Variants in DLG2 observed in about 807,000 individuals in gnomAD.
DLG2 encodes the protein disks large homolog 2.
Under a neutral mutation model 132.5 loss-of-function variants are expected in DLG2, and 45 were observed. The ratio of observed to expected loss-of-function variants is 0.34; its 90% CI spans 0.27 to 0.44. The LOEUF is 0.44. Ranked by LOEUF, DLG2 falls within the 20% of genes least tolerant of loss-of-function variation. The pLI, the probability that DLG2 is intolerant of heterozygous loss-of-function variation, is 1.00. For missense variants in DLG2, 1,045 were observed against 1,196.9 expected (o/e 0.87, Z 1.87); for synonymous variants, 424 against 419.6 (o/e 1.01, Z -0.13).
At chr11:84,199,405 A>G (rs115361035) in intron 8 of DLG2, among the ~76,000 whole-genome samples, 29 of 152,332 alleles carry the variant, frequency 1.9e-4, no homozygotes, top group African/African-American at 6.5e-4. Flanking sequence ...CCTATAAAAC[A>G]TGTCTAGTAT....
intron 6 of DLG2, among the ~76,000 whole-genome samples, chr11:84,694,801 A>G (rs1446035086): frequency 6.6e-6 from 1 of 151,548 alleles, no homozygotes; most frequent in Non-Finnish European, 1.5e-5. Context: ...GTTAAGTCCA[A>G]ATATGGGTTT....
chr11:85,128,230 T>A (rs1460897670), intron 5 of DLG2, among the ~76,000 whole-genome samples: 1 of 152,154 alleles, frequency 6.6e-6, no homozygotes, highest in Non-Finnish European at 1.5e-5. Flanking sequence ...TTTTTAAACT[T>A]TTTCAAATGT....
At chr11:85,624,582 T>C (rs1472203894) in intron 2 of DLG2, among the ~76,000 whole-genome samples, 2 of 152,146 alleles carry the variant, frequency 1.3e-5, no homozygotes, top group Non-Finnish European at 2.9e-5. Flanking sequence ...ACTGTTCTTA[T>C]ATTATATAAA....
chr11:85,237,414 A>G (rs1388986997), intron 4 of DLG2, among the ~76,000 whole-genome samples: 1 of 152,082 alleles, frequency 6.6e-6, no homozygotes, highest in East Asian at 1.9e-4. Context: ...ATTTTCTTAT[A>G]TTCATATAGG....
At chr11:84,493,847 C>T (rs1422913464) in intron 7 of DLG2, among the ~76,000 whole-genome samples, 3 of 152,172 alleles carry the variant, frequency 2.0e-5, no homozygotes, top group African/African-American at 4.8e-5. Context: ...TACTTCACAT[C>T]TCTTCAATAA....
At chr11:84,355,865 C>T (rs1326949187) in intron 7 of DLG2, among the ~76,000 whole-genome samples, 2 of 152,092 alleles carry the variant, frequency 1.3e-5, no homozygotes, top group East Asian at 1.9e-4. Flanking sequence ...CAGCATCTTG[C>T]ATAGTGTCCA....
intron 4 of DLG2, among the ~76,000 whole-genome samples, chr11:85,188,231 A>G (rs2080268418): frequency 6.6e-6 from 1 of 152,210 alleles, no homozygotes; most frequent in South Asian, 2.1e-4. Context: ...CACAAACTCT[A>G]ACCAAATATT....
At chr11:84,717,507 T>C (rs2061362159) in intron 6 of DLG2, among the ~76,000 whole-genome samples, 1 of 151,980 alleles carries the variant, frequency 6.6e-6, no homozygotes, top group Non-Finnish European at 1.5e-5. Flanking sequence ...GTGTGGTCAA[T>C]AAATATTTGC....
At chr11:83,735,097 TA>T (rs1251054175) in intron 18 of DLG2, among the ~76,000 whole-genome samples, 7 of 152,152 alleles carry the variant, frequency 4.6e-5, no homozygotes, top group East Asian at 1.9e-4. Flanking sequence ...TAAATATAAT[TA>T]TTTTTTTAAC....
At chr11:84,853,897 C>T (rs886476933) in intron 6 of DLG2, among the ~76,000 whole-genome samples, 11 of 151,904 alleles carry the variant, frequency 7.2e-5, no homozygotes, top group Admixed American at 2.6e-4. Flanking sequence ...GAATTTGATC[C>T]GAGTGGGAGT....
At chr11:84,139,520 C>A (rs2094750054) in intron 9 of DLG2, among the ~76,000 whole-genome samples, 1 of 151,988 alleles carries the variant, frequency 6.6e-6, no homozygotes, top group South Asian at 2.1e-4. Context: ...TTACTATTAA[C>A]AAATTATTAT....
intron 4 of DLG2, among the ~76,000 whole-genome samples, chr11:85,164,551 C>G (rs1485693794): frequency 1.3e-5 from 2 of 152,116 alleles, no homozygotes; most frequent in African/African-American, 4.8e-5. Flanking sequence ...TTCTATGCTT[C>G]TATTCTTCCT....
chr11:83,940,187 G>A (rs750044746), intron 14 of DLG2, among the ~76,000 whole-genome samples: 1 of 152,082 alleles, frequency 6.6e-6, no homozygotes, highest in Non-Finnish European at 1.5e-5. Context: ...ACATATATTG[G>A]TCCTTCCTTC....
chr11:83,493,350 TCC>T, intron 21 of DLG2, among the ~76,000 whole-genome samples: 1 of 49,186 alleles, frequency 2.0e-5, no homozygotes, highest in Admixed American at 1.5e-4. Flanking sequence ...CTTCCTTCCT[TCC>T]TTCCTTCCTT....
intron 6 of DLG2, among the ~76,000 whole-genome samples, chr11:84,689,459 A>G (rs1353930265): frequency 6.6e-6 from 1 of 152,098 alleles, no homozygotes; most frequent in Non-Finnish European, 1.5e-5. Context: ...TTTAGCAGCT[A>G]GTGAGCCAGG....
rs1045076944 is a variant in DLG2, at chr11:83,877,584, A to G, written c.1497-3096T>C. Among the ~76,000 whole-genome samples the G allele has an allele frequency of 6.6e-5, 10 of 152,290 alleles. No homozygotes were observed. The South Asian group carries it at 2.1e-3, about 32-fold the overall frequency. The stretch of plus-strand genomic sequence containing the variant: ...CTTTAAAGTTTTAGCGACAAAGTAA[A>G]TGCAAATGGTACCCTGAGGTGCACA... On this transcript the variant is annotated intron_variant, in intron 15 of 27. Transcript: ENST00000376104.
At chr11:83,768,556 A>G (rs1248148365) in intron 18 of DLG2, among the ~76,000 whole-genome samples, 1 of 152,140 alleles carries the variant, frequency 6.6e-6, no homozygotes, top group Non-Finnish European at 1.5e-5. Context: ...CATAATCACT[A>G]CCCTCTTCCC....
intron 7 of DLG2, among the ~76,000 whole-genome samples, chr11:84,308,081 C>T (rs2098245641): frequency 6.6e-6 from 1 of 152,146 alleles, no homozygotes. Flanking sequence ...TAGACCCCAG[C>T]AGGTTGCCAC....
At chr11:85,470,215 T>G (rs1328084941) in intron 3 of DLG2, among the ~76,000 whole-genome samples, 2 of 151,140 alleles carry the variant, frequency 1.3e-5, no homozygotes, top group South Asian at 2.1e-4. Flanking sequence ...CTACTTGGTT[T>G]TTTTTTTTAA....
Sources: gnomAD v4.1 joint callset for allele counts (sites outside exome capture counted in the v4.1 genomes callset) on GRCh38, gnomAD v4.1.1 for gene constraint, MANE v1.5 for transcripts, NCBI Gene and HGNC (gene_info 2026-07-23, HGNC 2026-07-21) for gene names.